Variants in TRPM3 observed in about 807,000 individuals in gnomAD.
The protein encoded by TRPM3 is long transient receptor potential channel 3.
Under a neutral mutation model 181.2 loss-of-function variants are expected in TRPM3, and 77 were observed. That is an observed-to-expected ratio of 0.42 (90% CI 0.35 to 0.51). The LOEUF is 0.51. TRPM3 is among the 20% of genes least tolerant of loss of function. TRPM3 has a pLI of 0.01. For missense variants in TRPM3, 1,759 were observed against 2,196.7 expected (o/e 0.80, Z 3.98); for synonymous variants, 745 against 796.4 (o/e 0.94, Z 1.09).
chr9:71,426,862 C>T (rs891583327), intron 1 of TRPM3, among the ~76,000 whole-genome samples: 4 of 151,692 alleles, frequency 2.6e-5, no homozygotes, highest in Admixed American at 6.6e-5. Context: ...AGGTAATTCT[C>T]GATTTTTTTC....
intron 1 of TRPM3, among the ~76,000 whole-genome samples, chr9:71,105,182 G>C (rs746225859): frequency 1.3e-5 from 2 of 152,188 alleles, no homozygotes; most frequent in Admixed American, 6.5e-5. Flanking sequence ...TTGTTGAGTG[G>C]AAGAAGGCAG....
At chr9:71,159,105 TAGAGAGAGAGAGAG>T (rs140356660) in intron 1 of TRPM3, among the ~76,000 whole-genome samples, 1 of 144,180 alleles carries the variant, frequency 6.9e-6, no homozygotes, top group African/African-American at 2.6e-5. Flanking sequence ...TATATATATT[TAGAGAGAGAGAGAG>T]AGAGAGAGAG....
At chr9:71,409,315 A>C (rs983921663) in intron 1 of TRPM3, among the ~76,000 whole-genome samples, 6 of 152,234 alleles carry the variant, frequency 3.9e-5, no homozygotes, top group African/African-American at 1.4e-4. Context: ...CAGACTGGCA[A>C]ATTGGATAAA....
chr9:71,323,765 A>G (rs2089444988), intron 1 of TRPM3, among the ~76,000 whole-genome samples: 1 of 152,172 alleles, frequency 6.6e-6, no homozygotes, highest in Non-Finnish European at 1.5e-5. Flanking sequence ...TTGACACGTT[A>G]AGATGAGAGG....
chr9:71,215,213 T>A (rs1053446896), intron 1 of TRPM3, among the ~76,000 whole-genome samples: 8 of 152,194 alleles, frequency 5.3e-5, no homozygotes, highest in Admixed American at 1.3e-4. Context: ...ATCAAATTTT[T>A]AAAAATTTAC....
chr9:70,980,355 C>T (rs1342602536), intron 1 of TRPM3, among the ~76,000 whole-genome samples: 1 of 151,790 alleles, frequency 6.6e-6, no homozygotes, highest in East Asian at 1.9e-4. Flanking sequence ...AGCATGATCA[C>T]AGTCAGAAGG....
chr9:70,670,319 C>T (rs1035150726), intron 9 of TRPM3, among the ~76,000 whole-genome samples: 1 of 152,148 alleles, frequency 6.6e-6, no homozygotes, highest in East Asian at 1.9e-4. Context: ...AATGATAAAA[C>T]TTGTATAAAC....
intron 8 of TRPM3, among the ~76,000 whole-genome samples, chr9:70,754,337 A>C (rs566339259): frequency 6.6e-6 from 1 of 152,282 alleles, no homozygotes; most frequent in East Asian, 1.9e-4. Context: ...TCCCCAATGA[A>C]TATGTTGCAG....
chr9:70,836,278 T>C (rs1697982354), intron 5 of TRPM3, among the ~76,000 whole-genome samples: 1 of 152,118 alleles, frequency 6.6e-6, no homozygotes, highest in South Asian at 2.1e-4. Flanking sequence ...CCCATGTCCC[T>C]TTCTGCTATC....
intron 9 of TRPM3, among the ~76,000 whole-genome samples, chr9:70,649,898 A>G (rs2059389546): frequency 6.6e-6 from 1 of 152,200 alleles, no homozygotes; most frequent in African/African-American, 2.4e-5. Flanking sequence ...TAGCAGAGAC[A>G]TGGAATCAAC....
At chr9:70,999,640 C>T (rs2097578080) in intron 1 of TRPM3, among the ~76,000 whole-genome samples, 1 of 152,112 alleles carries the variant, frequency 6.6e-6, no homozygotes, top group Admixed American at 6.5e-5. Flanking sequence ...ACTTTAATTG[C>T]CATTATTTTT....
intron 22 of TRPM3, among the ~76,000 whole-genome samples, chr9:70,590,208 A>G (rs553757178): frequency 1.3e-5 from 2 of 152,166 alleles, no homozygotes; most frequent in Non-Finnish European, 2.9e-5. Flanking sequence ...TTCCCAAAAA[A>G]TTTCCCAATG....
intron 22 of TRPM3, among the ~76,000 whole-genome samples, chr9:70,583,970 T>C (rs776263908): frequency 1.3e-5 from 2 of 152,184 alleles, no homozygotes; most frequent in African/African-American, 2.4e-5. Flanking sequence ...CTCTCATCGC[T>C]GTTCCCTTTT....
intron 25 of TRPM3, among the ~76,000 whole-genome samples, chr9:70,542,532 A>G (rs561722989): frequency 6.6e-6 from 1 of 152,336 alleles, no homozygotes; most frequent in African/African-American, 2.4e-5. Flanking sequence ...TAAGATGATG[A>G]CTAGCTTCTT....
intron 1 of TRPM3, among the ~76,000 whole-genome samples, chr9:71,440,204 G>C (rs117735370): frequency 0.019 from 2,895 of 152,172 alleles, 41 homozygotes; most frequent in Non-Finnish European, 0.03. Flanking sequence ...AAAGGAAGAA[G>C]GATTATCCTA....
At chr9:71,424,929 T>G (rs1426704569) in intron 1 of TRPM3, among the ~76,000 whole-genome samples, 3 of 152,140 alleles carry the variant, frequency 2.0e-5, no homozygotes, top group Non-Finnish European at 4.4e-5. Flanking sequence ...CCTATTACTA[T>G]AGCAAAACTG....
rs61445272 is a variant in TRPM3, at chr9:70,746,267, C to CAG, written c.1272+15332_1272+15333dup. Among the ~76,000 whole-genome samples the CAG allele has an allele frequency of 2.8e-3, 419 of 149,298 alleles. 6 individuals carry two copies. Among genetic ancestry groups the CAG allele is most frequent in the South Asian group, 0.023 (106 of 4,668 alleles). On this transcript the variant is annotated intron_variant, in intron 8 of 25. Transcript: ENST00000677713. The stretch of plus-strand genomic sequence containing the variant: ...AGGATGCCCATTTGAAAAACAAAAA[C>CAG]AGAGAGAGAGAGAGAGAGAGAGAGA...
chr9:71,181,367 A>ATTT (rs59651573), intron 1 of TRPM3, among the ~76,000 whole-genome samples: 59 of 141,760 alleles, frequency 4.2e-4, no homozygotes, highest in Admixed American at 2.4e-3. Context: ...GGAAACTGCA[A>ATTT]TTTTTTTTTT....
intron 1 of TRPM3, among the ~76,000 whole-genome samples, chr9:71,015,266 C>A (rs2097775580): frequency 6.6e-6 from 1 of 152,206 alleles, no homozygotes; most frequent in Admixed American, 6.5e-5. Context: ...GTCGCTTTGA[C>A]AACTTCTCAT....
Sources: gnomAD v4.1 joint callset for allele counts (sites outside exome capture counted in the v4.1 genomes callset) on GRCh38, gnomAD v4.1.1 for gene constraint, MANE v1.5 for transcripts, NCBI Gene and HGNC (gene_info 2026-07-23, HGNC 2026-07-21) for gene names.